Variants in ZFAND3 observed in about 807,000 individuals in gnomAD.
ZFAND3 encodes AN1-type zinc finger protein 3.
ZFAND3 carries 10 observed loss-of-function variants against 29.6 expected under a neutral mutation model. The observed-to-expected ratio is 0.34, with a 90% CI of 0.21 to 0.57. The LOEUF (loss-of-function observed/expected upper bound fraction) is 0.57. Among genes scored for constraint, ZFAND3 ranks in the 20% least tolerant of loss-of-function variants. The pLI is 0.86. For missense variants in ZFAND3, 230 were observed against 304.5 expected (o/e 0.76, Z 1.82); for synonymous variants, 128 against 112.6 (o/e 1.14, Z -0.87).
At chr6:38,103,538 C>T (rs2127479126) in intron 4 of ZFAND3, among the ~76,000 whole-genome samples, 1 of 111,166 alleles carries the variant, frequency 9.0e-6, no homozygotes, top group South Asian at 2.7e-4. Flanking sequence ...TATATACACA[C>T]ACACATACAT....
At chr6:38,020,839 C>T (rs1470600899) in intron 2 of ZFAND3, among the ~76,000 whole-genome samples, 2 of 152,182 alleles carry the variant, frequency 1.3e-5, no homozygotes, top group South Asian at 2.1e-4. Context: ...TATTAAACAG[C>T]TGTCAGCAGG....
At chr6:38,020,712 A>G (rs1031515666) in intron 2 of ZFAND3, among the ~76,000 whole-genome samples, 2 of 152,162 alleles carry the variant, frequency 1.3e-5, no homozygotes, top group African/African-American at 2.4e-5. Flanking sequence ...TTCTCACCAA[A>G]TGAGTTTTGT....
chr6:37,931,107 C>T, intron 2 of ZFAND3, among the ~76,000 whole-genome samples: 1 of 152,076 alleles, frequency 6.6e-6, no homozygotes, highest in East Asian at 1.9e-4. Context: ...GAATAGATAC[C>T]CTATTTTTCC....
At chr6:38,139,173 T>C (rs909318757) in intron 5 of ZFAND3, among the ~76,000 whole-genome samples, 1 of 152,152 alleles carries the variant, frequency 6.6e-6, no homozygotes, top group Non-Finnish European at 1.5e-5. Context: ...GGTGAGGATA[T>C]TGGATTTCGC....
chr6:38,051,089 A>G (rs1406150147), intron 2 of ZFAND3, among the ~76,000 whole-genome samples: 1 of 152,134 alleles, frequency 6.6e-6, no homozygotes, highest in African/African-American at 2.4e-5. Flanking sequence ...GGAAGCAAGA[A>G]CGAATAGGAC....
chr6:37,875,873 G>A (rs1027697170), intron 1 of ZFAND3, among the ~76,000 whole-genome samples: 10 of 150,274 alleles, frequency 6.7e-5, no homozygotes, highest in African/African-American at 2.5e-4. Context: ...ATCTTACTAT[G>A]TTGCCCAGGC....
chr6:37,942,394 T>C (rs1561941713), intron 2 of ZFAND3, among the ~76,000 whole-genome samples: 1 of 152,160 alleles, frequency 6.6e-6, no homozygotes, highest in Non-Finnish European at 1.5e-5. Flanking sequence ...TCCTTCATGA[T>C]CATTTGAGAC....
chr6:37,846,150 A>C (rs1764173787), intron 1 of ZFAND3, among the ~76,000 whole-genome samples: 1 of 152,170 alleles, frequency 6.6e-6, no homozygotes. Flanking sequence ...GTCTGAGTTC[A>C]TTTTAAGCTG....
intron 2 of ZFAND3, among the ~76,000 whole-genome samples, chr6:37,972,054 T>A (rs1482028846): frequency 6.6e-6 from 1 of 151,570 alleles, no homozygotes; most frequent in African/African-American, 2.4e-5. Context: ...AGAAAAAAAA[T>A]GGAATATCGA....
At chr6:38,067,835 GCATCC>G (rs1764376537) in intron 3 of ZFAND3, among the ~76,000 whole-genome samples, 1 of 152,168 alleles carries the variant, frequency 6.6e-6, no homozygotes, top group Non-Finnish European at 1.5e-5. Flanking sequence ...AAAGGCCTGA[GCATCC>G]CTATTTATGA....
intron 2 of ZFAND3, among the ~76,000 whole-genome samples, chr6:38,001,902 G>T (rs1561962115): frequency 6.6e-6 from 1 of 151,958 alleles, no homozygotes; most frequent in African/African-American, 2.4e-5. Context: ...TTTTCTTTTT[G>T]TCTTTTAGTC....
chr6:37,883,167 G>T (rs1306420288), intron 1 of ZFAND3, among the ~76,000 whole-genome samples: 1 of 152,120 alleles, frequency 6.6e-6, no homozygotes, highest in Non-Finnish European at 1.5e-5. Context: ...AGGTTGCAGT[G>T]AACTATGATC....
In ZFAND3 at chr6:38,152,287, C is replaced by G; in HGVS notation, c.582C>G (p.Phe194Leu). ...HRLPEQHDCT[F>L]DHMGRGREEA... ...TCCCCGAGCAGCACGACTGCACATT[C>G]GACCACATGGGCCGTGGCCGGGAGG... The change falls in exon 6 of 6, where the codon TTC (phenylalanine) becomes TTG (leucine). Residue 194 changes from phenylalanine to leucine, a missense_variant. Coordinates refer to ENST00000287218, the MANE Select transcript of ZFAND3 (RefSeq NM_021943.3). 6.2e-7 allele frequency: 1 copy of G among 1,606,356 alleles called. No individual in the cohort carries two copies. Among genetic ancestry groups the G allele is most frequent in the Non-Finnish European group, 8.5e-7 (1 of 1,176,852 alleles).
chr6:38,013,405 A>G (rs903090431), intron 2 of ZFAND3, among the ~76,000 whole-genome samples: 2 of 152,048 alleles, frequency 1.3e-5, no homozygotes, highest in South Asian at 4.1e-4. Flanking sequence ...AATACATTCC[A>G]TGTTCTTATT....
intron 2 of ZFAND3, among the ~76,000 whole-genome samples, chr6:38,036,932 A>G (rs572421704): frequency 6.6e-6 from 1 of 152,314 alleles, no homozygotes; most frequent in African/African-American, 2.4e-5. Context: ...ATATTTTAAA[A>G]GGTAAACCAT....
At chr6:38,006,832 G>T (rs965087916) in intron 2 of ZFAND3, among the ~76,000 whole-genome samples, 3 of 151,946 alleles carry the variant, frequency 2.0e-5, no homozygotes, top group South Asian at 4.2e-4. Flanking sequence ...AGACTCATCC[G>T]AGAGGATCAG....
chr6:37,862,518 C>CAA (rs79671764), intron 1 of ZFAND3, among the ~76,000 whole-genome samples: 4 of 111,600 alleles, frequency 3.6e-5, no homozygotes, highest in East Asian at 2.5e-4. Context: ...CCTATCTTTC[C>CAA]AAAAAAAAAA....
chr6:38,136,940 C>G (rs1214556005), intron 5 of ZFAND3, among the ~76,000 whole-genome samples: 1 of 152,236 alleles, frequency 6.6e-6, no homozygotes, highest in Admixed American at 6.5e-5. Flanking sequence ...TATGTTAATA[C>G]TCTTGCATCA....
intron 1 of ZFAND3, among the ~76,000 whole-genome samples, chr6:37,861,447 A>G (rs1764488476): frequency 6.6e-6 from 1 of 152,110 alleles, no homozygotes; most frequent in South Asian, 2.1e-4. Context: ...AGGGGACAAC[A>G]TGATAAAAAA....
Sources: gnomAD v4.1 joint callset for allele counts (sites outside exome capture counted in the v4.1 genomes callset) on GRCh38, gnomAD v4.1.1 for gene constraint, MANE v1.5 for transcripts, NCBI Gene and HGNC (gene_info 2026-07-23, HGNC 2026-07-21) for gene names.